PCSK4: variants seen among roughly 807,000 people sequenced by gnomAD.
The protein encoded by PCSK4 is proprotein convertase subtilisin/kexin type 4.
PCSK4 carries 64 observed loss-of-function variants against 80.3 expected under a neutral mutation model. The ratio of observed to expected loss-of-function variants is 0.80; its 90% CI spans 0.65 to 0.98. The LOEUF (loss-of-function observed/expected upper bound fraction) is 0.98, where lower values mean the gene tolerates loss of function less well. PCSK4 is among the 50% of genes least tolerant of loss of function. The pLI, the probability that PCSK4 is intolerant of heterozygous loss-of-function variation, is 0.00. For synonymous variants in PCSK4, 561 were observed against 487.6 expected, an observed-to-expected ratio of 1.15 and a Z score of -1.98; for missense variants, 1,213 against 1,093.6, an observed-to-expected ratio of 1.11 and a Z score of -1.54.
chr19:1,487,983 G>A lies in PCSK4; in HGVS notation c.497C>T (p.Pro166Leu), dbSNP rs141119354. The change falls in exon 4 of 15, where the codon CCG becomes CTG. Residue 166 changes from proline to leucine, a missense_variant. By Grantham distance (98) the Pro-to-Leu change is moderately conservative. Transcript: ENST00000300954. The stretch of plus-strand genomic sequence containing the variant: ...TCTCACGTAGTTGGCCCAGAGGTCC[G>A]GGTGGTCCTTCTCGATGCCATCGTC... The A allele has an allele frequency of 4.8e-5, 78 of 1,612,804 alleles. No homozygotes were observed. Among genetic ancestry groups the A allele is most frequent in the Middle Eastern group, 3.3e-4 (2 of 6,076 alleles).
rs2084377671 is a variant in PCSK4, at chr19:1,482,895, C to T, written c.1696+1G>A. The T allele has an allele frequency of 1.2e-6, 2 of 1,607,692 alleles. No homozygotes were observed. The highest frequency in any genetic ancestry group is 1.3e-5 in the African/African-American group (1 of 74,748). ...CCACCACAGCCCCGCCCCGCCCTCACCCGTGTTGAAATAGTAGCCCTTGTT... is the reference window on the plus strand; with the variant it reads ...CCACCACAGCCCCGCCCCGCCCTCATCCGTGTTGAAATAGTAGCCCTTGTT... On this transcript the variant is annotated splice_donor_variant, in intron 13 of 14. Transcript: ENST00000300954. LOFTEE classifies it high-confidence loss of function.
At chr19:1,483,060 G>A in intron 12 of PCSK4, 40 bp from the exon 13 acceptor site, 1 of 1,484,714 alleles carries the variant, frequency 6.7e-7, no homozygotes, top group Non-Finnish European at 9.0e-7. Flanking sequence ...GTGTCAAGAG[G>A]GATGGCTTTG....
chr19:1,487,111 C>G lies in PCSK4; in HGVS notation c.855+30G>C, dbSNP rs899024610. 16 of 1,601,956 alleles carry G rather than the reference C, an allele frequency of 1.0e-5. No homozygotes were observed. In the African/African-American group the frequency reaches 1.6e-4, roughly 16 times the overall value. Reference sequence around the variant, plus strand: ...GGGAGGGGGCGTCGGCCTGGCCTGCCACCCCTGCCCTCCTCGGGCTGCCAC... The same window carrying G: ...GGGAGGGGGCGTCGGCCTGGCCTGCGACCCCTGCCCTCCTCGGGCTGCCAC... On this transcript the variant is annotated intron_variant, in intron 7 of 14. Coordinates refer to ENST00000300954, the Ensembl canonical transcript of PCSK4.
At chr19:1,481,521 G>A in exon 15 of PCSK4, 1 of 411,182 alleles carries the variant, frequency 2.4e-6, no homozygotes, top group East Asian at 3.5e-5. Context: ...CTTTCCCCTG[G>A]CTTTTGGGGT....
exon 1 of PCSK4, chr19:1,490,320 C>A (rs1392974987): frequency 1.6e-5 from 23 of 1,445,644 alleles, no homozygotes; most frequent in Non-Finnish European, 2.2e-5. Flanking sequence ...CCAGGCGCAG[C>A]CACAGCGCAA....
intron 8 of PCSK4, among the ~76,000 whole-genome samples, chr19:1,486,066 G>A (rs2084590034): frequency 6.6e-6 from 1 of 152,040 alleles, no homozygotes; most frequent in Non-Finnish European, 1.5e-5. Context: ...TCCATCTCTG[G>A]GGTTCAAGCG....
chr19:1,489,723 G>A lies in PCSK4; in HGVS notation c.294+70C>T, dbSNP rs543091730. ...GTTCATAACAACCACGAGAACCACA[G>A]AAGATGGCTGGTGGCCCCAGGAGGC... On this transcript the variant is annotated intron_variant, in intron 2 of 14. Transcript: ENST00000300954. 7.1e-6 allele frequency: 11 copies of A among 1,545,690 alleles called. No homozygotes were observed. In the Admixed American group the frequency reaches 7.8e-5, roughly 11 times the overall value.
In PCSK4 at chr19:1,482,222, G is replaced by A. The variant is rs367761634; in HGVS notation, c.1820-15C>T. 5.0e-5 allele frequency: 76 copies of A among 1,524,694 alleles called. No individual in the cohort carries two copies. The African/African-American group carries it at 7.4e-4, about 15-fold the overall frequency. The allele number at this position is 1,524,694 out of a possible 1,614,324, so 94.4% of individuals were successfully genotyped here. A position where few individuals can be genotyped will look rare whatever the true frequency, so the allele number is the denominator to read the frequency against. ...GCCGTCACACGCTGCTCGGGGACAC[G>A]CACGCAAAGGCCCGTCAGCTTGCCA... On this transcript the variant is annotated splice_polypyrimidine_tract_variant and intron_variant, in intron 14 of 14. Coordinates refer to ENST00000300954, the Ensembl canonical transcript of PCSK4.
Position 1,482,987 on chromosome 19 carries a change from G to C in PCSK4, c.1605C>G (p.Asn535Lys), listed in dbSNP as rs1171176578. The C allele has an allele frequency of 4.4e-6, 6 of 1,368,984 alleles. No homozygotes were observed. The South Asian group carries it at 6.9e-5, about 16-fold the overall frequency. 84.8% of individuals were successfully genotyped at this position (1,368,984 alleles called of 1,614,324 possible). ...AGAAGTGGGTGGACATGAAGACCCA[G>C]TTGTTGTAGCCTTCAGTGCTGACGT... The change falls in exon 13 of 15, where the codon AAC becomes AAG. Residue 535 changes from asparagine to lysine, a missense_variant. Asn to Lys is a moderately conservative substitution (Grantham distance 94). Transcript: ENST00000300954.
At position 1,484,009 on chromosome 19, in the gene PCSK4, G is replaced by A; in HGVS notation, c.1169+18C>T. Reference sequence around the variant, plus strand: ...GCCTGGGGGCGAGGGCGGTGGACCGGGCCCCGCAGTCACCTACTTGGCCTC... The same window carrying A: ...GCCTGGGGGCGAGGGCGGTGGACCGAGCCCCGCAGTCACCTACTTGGCCTC... On this transcript the variant is annotated intron_variant, in intron 9 of 14. Coordinates refer to ENST00000300954, the Ensembl canonical transcript of PCSK4. 1 of 1,522,258 alleles carries A rather than the reference G, an allele frequency of 6.6e-7. No individual in the cohort carries two copies. Among genetic ancestry groups the A allele is most frequent in the Non-Finnish European group, 8.8e-7 (1 of 1,135,536 alleles). 94.3% of individuals were successfully genotyped at this position (1,522,258 alleles called of 1,614,324 possible).
intron 11 of PCSK4, 40 bp from the exon 12 acceptor site, chr19:1,483,503 TGGGG>T: frequency 2.0e-6 from 1 of 494,136 alleles, no homozygotes; most frequent in Non-Finnish European, 2.8e-6. Flanking sequence ...TGCGGCCTGC[TGGGG>T]GGTGGGTGGG....
exon 15 of PCSK4, chr19:1,481,577 C>T: frequency 2.1e-6 from 1 of 483,812 alleles, no homozygotes; most frequent in South Asian, 4.7e-5. Flanking sequence ...ACCCAAAATG[C>T]AGAGGAGACT....
At chr19:1,483,200 C>T in intron 12 of PCSK4, 84 bp downstream of exon 12, 1 of 1,373,006 alleles carries the variant, frequency 7.3e-7, no homozygotes, top group Non-Finnish European at 9.7e-7. Context: ...GGGCCTGGCC[C>T]CTCCCCGTGA....
rs1368258372 is a variant in PCSK4, at chr19:1,483,957, G to A, written c.1170-16C>T. The A allele has an allele frequency of 1.7e-5, 25 of 1,431,858 alleles. No homozygotes were observed. The Admixed American group carries it at 4.6e-4, about 26-fold the overall frequency. 88.7% of individuals were successfully genotyped at this position (1,431,858 alleles called of 1,614,324 possible). Reference sequence around the variant, plus strand: ...CAGGAACGGGCTGCGGGGGGCGGGGGCGGGGGCGGGTGAGCCGCCGGGCCG... The same window carrying A: ...CAGGAACGGGCTGCGGGGGGCGGGGACGGGGGCGGGTGAGCCGCCGGGCCG... On this transcript the variant is annotated splice_polypyrimidine_tract_variant and intron_variant, in intron 9 of 14. Transcript: ENST00000300954.
Position 1,483,956 on chromosome 19 carries a change from G to A in PCSK4, c.1170-15C>T, listed in dbSNP as rs996339508. 6.9e-7 allele frequency: 1 copy of A among 1,439,016 alleles called. No individual in the cohort carries two copies. Among genetic ancestry groups the A allele is most frequent in the Non-Finnish European group, 9.1e-7 (1 of 1,097,868 alleles). The allele number at this position is 1,439,016 out of a possible 1,614,324, so 89.1% of individuals were successfully genotyped here. A position where few individuals can be genotyped will look rare whatever the true frequency, so the allele number is the denominator to read the frequency against. On this transcript the variant is annotated splice_polypyrimidine_tract_variant and intron_variant, in intron 9 of 14. Transcript: ENST00000300954. ...TCAGGAACGGGCTGCGGGGGGCGGG[G>A]GCGGGGGCGGGTGAGCCGCCGGGCC...
chr19:1,487,401 C>T, intron 6 of PCSK4, 88 bp from the exon 7 acceptor site: 1 of 1,168,220 alleles, frequency 8.6e-7, no homozygotes, highest in Non-Finnish European at 1.2e-6. Flanking sequence ...CACCACTCCC[C>T]AGCCCTACCT....
chr19:1,489,640 C>A (rs1204633256), intron 2 of PCSK4, 153 bp downstream of exon 2: 3 of 1,349,440 alleles, frequency 2.2e-6, no homozygotes, highest in Non-Finnish European at 9.8e-7. Flanking sequence ...CTTCCTGCCT[C>A]CTCTTGCTGT....
At chr19:1,488,848 C>G (rs1464752229) in intron 2 of PCSK4, among the ~76,000 whole-genome samples, 1 of 152,108 alleles carries the variant, frequency 6.6e-6, no homozygotes, top group Non-Finnish European at 1.5e-5. Context: ...CCCGAAGTGC[C>G]GGGATTACAG....
chr19:1,484,929 G>C (rs1198921502), intron 8 of PCSK4, among the ~76,000 whole-genome samples: 1 of 152,180 alleles, frequency 6.6e-6, no homozygotes, highest in African/African-American at 2.4e-5. Flanking sequence ...CAGATTGTTT[G>C]AGCTCAGGAG....
Sources: gnomAD v4.1 joint callset for allele counts (sites outside exome capture counted in the v4.1 genomes callset) on GRCh38, gnomAD v4.1.1 for gene constraint, MANE v1.5 for transcripts, NCBI Gene and HGNC (gene_info 2026-07-23, HGNC 2026-07-21) for gene names.